Variants in TCERG1L observed in about 807,000 individuals in gnomAD.
TCERG1L encodes the protein transcription elongation regulator 1 like, also known as transcription elongation regulator 1-like protein.
Under a neutral mutation model 56.3 loss-of-function variants are expected in TCERG1L, and 37 were observed. That is an observed-to-expected ratio of 0.66 (90% CI 0.51 to 0.87). The LOEUF is 0.87. Among genes scored for constraint, TCERG1L ranks in the 40% least tolerant of loss-of-function variants. The pLI, the probability that TCERG1L is intolerant of heterozygous loss-of-function variation, is 0.00. For missense variants in TCERG1L, 799 were observed against 774.2 expected (o/e 1.03, Z -0.38); for synonymous variants, 324 against 326.3 (o/e 0.99, Z 0.08).
At chr10:131,216,239 G>C (rs773520002) in intron 4 of TCERG1L, among the ~76,000 whole-genome samples, 2 of 152,322 alleles carry the variant, frequency 1.3e-5, no homozygotes, top group Admixed American at 1.3e-4. Flanking sequence ...AAAGAGAGGA[G>C]GTGGAGAGAG....
intron 3 of TCERG1L, among the ~76,000 whole-genome samples, chr10:131,304,440 C>G (rs76470012): frequency 0.02 from 3,004 of 152,076 alleles, 76 homozygotes; most frequent in East Asian, 0.076. Flanking sequence ...TGAGCCCCTT[C>G]TTCCTGGGAA....
intron 6 of TCERG1L, among the ~76,000 whole-genome samples, chr10:131,149,821 G>C (rs1845844125): frequency 1.3e-5 from 2 of 152,198 alleles, no homozygotes; most frequent in Non-Finnish European, 1.5e-5. Context: ...GGTGCAGGGA[G>C]TGAAGAAACC....
chr10:131,274,232 T>C (rs1846370379), intron 3 of TCERG1L, among the ~76,000 whole-genome samples: 1 of 152,200 alleles, frequency 6.6e-6, no homozygotes. Flanking sequence ...AAAACGATCA[T>C]TCTGTTTCTT....
chr10:131,247,881 A>G (rs73398460), intron 4 of TCERG1L, among the ~76,000 whole-genome samples: 1,795 of 151,260 alleles, frequency 0.012, 36 homozygotes, highest in African/African-American at 0.037. Context: ...ACACTGACAC[A>G]CCCATGTGAC....
At chr10:131,219,181 C>T (rs1320494383) in intron 4 of TCERG1L, among the ~76,000 whole-genome samples, 2 of 152,316 alleles carry the variant, frequency 1.3e-5, no homozygotes, top group African/African-American at 2.4e-5. Context: ...CTCAGCCTGG[C>T]TGCCATCGCC....
chr10:131,116,290 C>A (rs969050003), intron 9 of TCERG1L, among the ~76,000 whole-genome samples: 2 of 152,130 alleles, frequency 1.3e-5, no homozygotes, highest in Non-Finnish European at 2.9e-5. Flanking sequence ...GGAGGGAGTA[C>A]CACTAGGTAG....
At chr10:131,121,646 C>T (rs904231248) in intron 8 of TCERG1L, among the ~76,000 whole-genome samples, 8 of 152,242 alleles carry the variant, frequency 5.3e-5, no homozygotes, top group Admixed American at 3.3e-4. Flanking sequence ...TGCAGACGGA[C>T]GGCTCCACAC....
chr10:131,193,436 G>C (rs1845325562), intron 4 of TCERG1L, among the ~76,000 whole-genome samples: 1 of 152,198 alleles, frequency 6.6e-6, no homozygotes, highest in Non-Finnish European at 1.5e-5. Context: ...ATGTCCGGAA[G>C]AGTTTTCCCC....
At chr10:131,241,050 G>A (rs1845966248) in intron 4 of TCERG1L, among the ~76,000 whole-genome samples, 1 of 152,186 alleles carries the variant, frequency 6.6e-6, no homozygotes, top group South Asian at 2.1e-4. Flanking sequence ...CAGCAAGAGC[G>A]GAAGATTGAG....
rs527582463 is a variant in TCERG1L at position 131,123,804 on chromosome 10, C to T, written c.1260-6870G>A. ...TGCCCAGAGCTGCCTCTGGAGTGCACGGTTATTCCCATTAGGACCCCACGG... is the reference window on the plus strand; with the variant it reads ...TGCCCAGAGCTGCCTCTGGAGTGCATGGTTATTCCCATTAGGACCCCACGG... On this transcript the variant is annotated intron_variant, in intron 8 of 11. Coordinates refer to ENST00000368642, the MANE Select transcript of TCERG1L (RefSeq NM_174937.4). 5.9e-5 allele frequency among the ~76,000 whole-genome samples: 9 copies of T among 152,298 alleles called. No homozygotes were observed. The East Asian group carries it at 1.2e-3, about 20-fold the overall frequency.
Position 131,218,337 on chromosome 10 carries a change from A to ACG in TCERG1L, c.856+41920_856+41921dup, listed in dbSNP as rs573467921. ...AGAAACAATGCACAGCCCTGTGGAA[A>ACG]CGCCGCATAATCCTATCAGTTGTCC... On this transcript the variant is annotated intron_variant, in intron 4 of 11. Coordinates refer to ENST00000368642, the MANE Select transcript of TCERG1L (RefSeq NM_174937.4). Among the ~76,000 whole-genome samples, 17 of 152,264 alleles carry ACG rather than the reference A, an allele frequency of 1.1e-4. No individual in the cohort carries two copies. The South Asian group carries it at 3.5e-3, about 32-fold the overall frequency.
intron 4 of TCERG1L, among the ~76,000 whole-genome samples, chr10:131,259,910 C>A (rs1846216724): frequency 6.6e-6 from 1 of 152,228 alleles, no homozygotes. Flanking sequence ...ACGTCCCGTG[C>A]AAGAAAATCA....
intron 4 of TCERG1L, among the ~76,000 whole-genome samples, chr10:131,245,620 C>T (rs1018024969): frequency 3.9e-5 from 6 of 152,190 alleles, no homozygotes; most frequent in Non-Finnish European, 5.9e-5. Context: ...GCCCACAGGC[C>T]GCCGCCACAT....
intron 4 of TCERG1L, among the ~76,000 whole-genome samples, chr10:131,203,314 C>CAAAA (rs58016777): frequency 1.7e-5 from 2 of 117,684 alleles, no homozygotes; most frequent in Admixed American, 9.6e-5. Context: ...GACTCCGTCT[C>CAAAA]AAAAAAAAAA....
chr10:131,279,469 AG>A (rs1390177116), intron 3 of TCERG1L, among the ~76,000 whole-genome samples: 1 of 152,170 alleles, frequency 6.6e-6, no homozygotes. Context: ...CGGAGTCTCT[AG>A]GACTTAAAGC....
chr10:131,292,835 T>C (rs993277982), intron 3 of TCERG1L, among the ~76,000 whole-genome samples: 1 of 151,630 alleles, frequency 6.6e-6, no homozygotes, highest in African/African-American at 2.4e-5. Flanking sequence ...GAATTTTTAA[T>C]CATTTTAATT....
At chr10:131,289,075 T>C (rs931352671) in intron 3 of TCERG1L, among the ~76,000 whole-genome samples, 7 of 152,122 alleles carry the variant, frequency 4.6e-5, no homozygotes, top group African/African-American at 1.7e-4. Flanking sequence ...TCTTCCTATT[T>C]CCTGACAAAA....
chr10:131,295,206 A>C (rs1846677111), intron 3 of TCERG1L, among the ~76,000 whole-genome samples: 1 of 152,202 alleles, frequency 6.6e-6, no homozygotes, highest in African/African-American at 2.4e-5. Flanking sequence ...GATCTAACCA[A>C]GTTTGTTTAC....
chr10:131,261,825 G>A (rs1400562406), intron 3 of TCERG1L, among the ~76,000 whole-genome samples: 1 of 152,188 alleles, frequency 6.6e-6, no homozygotes, highest in Admixed American at 6.5e-5. Context: ...GCAGGGAGAG[G>A]GCATCTAGCC....
Sources: gnomAD v4.1 joint callset for allele counts (sites outside exome capture counted in the v4.1 genomes callset) on GRCh38, gnomAD v4.1.1 for gene constraint, MANE v1.5 for transcripts, NCBI Gene and HGNC (gene_info 2026-07-23, HGNC 2026-07-21) for gene names.